GPHN: variants seen among roughly 807,000 people sequenced by gnomAD.
GPHN encodes gephyrin.
GPHN carries 17 observed loss-of-function variants against 95.5 expected under a neutral mutation model. The observed-to-expected ratio is 0.18, with a 90% CI of 0.12 to 0.27. The LOEUF is 0.27. GPHN is among the 10% of genes least tolerant of loss of function. The pLI, the probability that GPHN is intolerant of heterozygous loss-of-function variation, is 1.00. For synonymous variants in GPHN, 320 were observed against 322.5 expected, an observed-to-expected ratio of 0.99 and a Z score of 0.08; for missense variants, 660 against 978.1, an observed-to-expected ratio of 0.67 and a Z score of 4.34.
the GPHN span, among the ~76,000 whole-genome samples, chr14:67,261,260 A>G: frequency 6.6e-6 from 1 of 152,188 alleles, no homozygotes; most frequent in African/African-American, 2.4e-5. Context: ...ATGATTGGCA[A>G]TTAGAAAAGA....
chr14:67,032,231 G>T (rs2074226721), intron 10 of GPHN, among the ~76,000 whole-genome samples: 1 of 152,134 alleles, frequency 6.6e-6, no homozygotes, highest in Admixed American at 6.5e-5. Flanking sequence ...TCAGAGGACT[G>T]CCCAAATAAC....
the GPHN span, among the ~76,000 whole-genome samples, chr14:67,274,076 T>A: frequency 6.6e-6 from 1 of 152,246 alleles, no homozygotes; most frequent in African/African-American, 2.4e-5. Flanking sequence ...GTAGGTTGCC[T>A]GTTCACTCTG....
intron 7 of GPHN, among the ~76,000 whole-genome samples, chr14:66,923,564 A>G (rs2066329293): frequency 6.6e-6 from 1 of 152,180 alleles, no homozygotes; most frequent in South Asian, 2.1e-4. Context: ...TAAATATACT[A>G]CCATGAGTTA....
the GPHN span, chr14:67,350,501 T>C: frequency 7.1e-6 from 6 of 842,612 alleles, no homozygotes; most frequent in Non-Finnish European, 1.1e-5. Flanking sequence ...ATTATTACTA[T>C]ATCATTTGTC....
At chr14:67,489,831 G>A in the GPHN span, among the ~76,000 whole-genome samples, 2 of 152,124 alleles carry the variant, frequency 1.3e-5, no homozygotes, top group Non-Finnish European at 1.5e-5. Flanking sequence ...TCTACTAAAA[G>A]CACAAAAAAT....
At chr14:67,183,983 A>C (rs1429768424), downstream of GPHN, among the ~76,000 whole-genome samples, 1 of 151,678 alleles carries the variant, frequency 6.6e-6, no homozygotes, top group Non-Finnish European at 1.5e-5. Flanking sequence ...CCTCCTGAGT[A>C]GCTGGGACTA....
At chr14:67,526,042 T>C in the GPHN span, among the ~76,000 whole-genome samples, 1 of 152,232 alleles carries the variant, frequency 6.6e-6, no homozygotes, top group South Asian at 2.1e-4. Flanking sequence ...CAACCTTATA[T>C]ATGAGACCTG....
chr14:66,684,987 A>T (rs142462929), intron 2 of GPHN, among the ~76,000 whole-genome samples: 2,910 of 152,236 alleles, frequency 0.019, 37 homozygotes, highest in Middle Eastern at 0.034. Flanking sequence ...CCTATGAGTG[A>T]GAACATGCGG....
chr14:67,116,260 A>G (rs906504609), intron 16 of GPHN, among the ~76,000 whole-genome samples: 1 of 151,918 alleles, frequency 6.6e-6, no homozygotes, highest in Non-Finnish European at 1.5e-5. Context: ...ACAGAGTGAG[A>G]CAAAGAAAGA....
chr14:66,581,195 A>G (rs2061151783), intron 1 of GPHN, among the ~76,000 whole-genome samples: 1 of 151,494 alleles, frequency 6.6e-6, no homozygotes, highest in African/African-American at 2.4e-5. Context: ...GCCCAAAATT[A>G]ACGTCATACT....
the GPHN span, among the ~76,000 whole-genome samples, chr14:67,217,627 A>G: frequency 6.6e-6 from 1 of 152,114 alleles, no homozygotes; most frequent in Non-Finnish European, 1.5e-5. Flanking sequence ...GGTGGCTATC[A>G]TCTTTTCATT....
At chr14:67,482,975 G>T in the GPHN span, among the ~76,000 whole-genome samples, 1 of 152,148 alleles carries the variant, frequency 6.6e-6, no homozygotes, top group Non-Finnish European at 1.5e-5. Context: ...TTACAGATGG[G>T]GAAAGTGAGG....
chr14:66,641,758 A>G (rs1327847139), intron 1 of GPHN, among the ~76,000 whole-genome samples: 3 of 152,168 alleles, frequency 2.0e-5, no homozygotes, highest in Middle Eastern at 3.2e-3. Flanking sequence ...GAGAGTACAC[A>G]TTCTTTTGAA....
At chr14:67,489,484 G>T in the GPHN span, among the ~76,000 whole-genome samples, 1 of 152,178 alleles carries the variant, frequency 6.6e-6, no homozygotes, top group Non-Finnish European at 1.5e-5. Context: ...GACGCTGCTG[G>T]GAGCGTGAAG....
chr14:66,720,126 A>G (rs903797393), intron 2 of GPHN, among the ~76,000 whole-genome samples: 1 of 152,208 alleles, frequency 6.6e-6, no homozygotes, highest in Non-Finnish European at 1.5e-5. Flanking sequence ...TAAATTTTAT[A>G]ATTATGAATA....
At chr14:67,507,526 G>T in the GPHN span, among the ~76,000 whole-genome samples, 2 of 151,994 alleles carry the variant, frequency 1.3e-5, no homozygotes, top group Non-Finnish European at 2.9e-5. Flanking sequence ...ACAGCTCATT[G>T]CAGCCTCGAC....
chr14:67,328,658 G>A, the GPHN span, among the ~76,000 whole-genome samples: 1 of 152,152 alleles, frequency 6.6e-6, no homozygotes, highest in African/African-American at 2.4e-5. Flanking sequence ...TTTTGTATAA[G>A]GTGTAAGGAA....
intron 5 of GPHN, among the ~76,000 whole-genome samples, chr14:66,894,980 C>A (rs573835588): frequency 6.6e-6 from 1 of 152,150 alleles, no homozygotes; most frequent in African/African-American, 2.4e-5. Context: ...ACTAGAAATA[C>A]CATTTGACCC....
intron 13 of GPHN, among the ~76,000 whole-genome samples, chr14:67,108,820 A>G (rs2078198869): frequency 6.6e-6 from 1 of 151,862 alleles, no homozygotes; most frequent in African/African-American, 2.4e-5. Context: ...CACACACATA[A>G]CATTAAATAT....
Sources: gnomAD v4.1 joint callset for allele counts (sites outside exome capture counted in the v4.1 genomes callset) on GRCh38, gnomAD v4.1.1 for gene constraint, MANE v1.5 for transcripts, NCBI Gene and HGNC (gene_info 2026-07-23, HGNC 2026-07-21) for gene names.